The following NPAP1 variants were observed in gnomAD, a reference collection of about 807,000 sequenced individuals.
The protein encoded by NPAP1 is nuclear pore associated protein 1.
For synonymous variants in NPAP1, 616 were observed against 581.4 expected, an observed-to-expected ratio of 1.06 and a Z score of -0.86; for missense variants, 1,483 against 1,454.5, an observed-to-expected ratio of 1.02 and a Z score of -0.32.
Position 24,676,635 on chromosome 15 carries a change from T to A in NPAP1, c.768T>A (p.Asp256Glu). 1 of 1,613,902 alleles carries A rather than the reference T, an allele frequency of 6.2e-7. No homozygotes were observed. The highest frequency in any genetic ancestry group is 1.3e-5 in the African/African-American group (1 of 75,036). The stretch of plus-strand genomic sequence containing the variant: ...GTGCCCGGCATCTTGGAAAGCCTGA[T>A]CCGGATGCAACAGCGCCCCCTGAGC... ...AGCARHLGKP[D>E]PDATAPPEPA... is the part of the protein sequence containing the mutation. Residue 256 changes from aspartate (D) to glutamate (E), a missense_variant, in exon 1 of 1, where the codon GAT becomes GAA. Coordinates refer to ENST00000329468, the MANE Select transcript of NPAP1 (RefSeq NM_018958.3).
In NPAP1 at chr15:24,676,067, C is replaced by A. The variant is rs1302383270; in HGVS notation, c.200C>A (p.Ala67Asp). The A allele has an allele frequency of 1.9e-6, 3 of 1,576,882 alleles. No individual in the cohort carries two copies. Among genetic ancestry groups the A allele is most frequent in the Non-Finnish European group, 2.6e-6 (3 of 1,165,466 alleles). ...RRPSAASIFV[A>D]PKRPCPLPRA... ...CCTTCAGCAGCCAGCATCTTCGTCG[C>A]CCCTAAGAGGCCGTGTCCTCTCCCT... is the stretch of plus-strand genomic sequence containing the variant. The change falls in exon 1 of 1, where the codon GCC becomes GAC. Residue 67 changes from alanine to aspartate, a missense_variant. Coordinates refer to ENST00000329468, the MANE Select transcript of NPAP1 (RefSeq NM_018958.3).
Position 24,679,982 on chromosome 15 carries a change from G to GGTTTGTTT in NPAP1, c.*673_*680dup, listed in dbSNP as rs77362980. 7.2e-4 allele frequency: 138 copies of GGTTTGTTT among 190,466 alleles called. 3 individuals carry two copies. The South Asian group carries it at 9.9e-3, about 14-fold the overall frequency. 11.8% of individuals were successfully genotyped at this position (190,466 alleles called of 1,614,324 possible). A position where few individuals can be genotyped will look rare whatever the true frequency, so the allele number is the denominator to read the frequency against. ...GAGGAACCAGCATTGTTTTTGTTTT[G>GGTTTGTTT]GTTTGTTTGTTTGTTTGTTTGTTTG... On this transcript the variant is annotated 3_prime_UTR_variant, in exon 1 of 1. Transcript: ENST00000329468.
At position 24,678,235 on chromosome 15, in the gene NPAP1, C is replaced by A. The variant is rs2048990977; in HGVS notation, c.2368C>A (p.His790Asn). The change falls in exon 1 of 1, where the codon CAT becomes AAT. Residue 790 changes from histidine (H) to asparagine (N), a missense_variant. Coordinates refer to ENST00000329468, the MANE Select transcript of NPAP1 (RefSeq NM_018958.3). The part of the protein sequence containing the change: ...PQQKTSLPSA[H>N]DFLSLPIMVP... ...GCAGAAAACCTCTCTCCCCAGTGCC[C>A]ATGATTTCCTGAGCCTTCCTATCAT... 1 of 1,612,390 alleles carries A rather than the reference C, an allele frequency of 6.2e-7. No individual in the cohort carries two copies.
At position 24,676,864 on chromosome 15, in the gene NPAP1, C is replaced by A; in HGVS notation, c.997C>A (p.Pro333Thr). The A allele has an allele frequency of 1.2e-6, 2 of 1,613,348 alleles. No individual in the cohort carries two copies. The highest frequency in any genetic ancestry group is 1.7e-6 in the Non-Finnish European group (2 of 1,180,016). The change falls in exon 1 of 1, where the codon CCA becomes ACA. Residue 333 changes from proline (P) to threonine (T), a missense_variant. Coordinates refer to ENST00000329468, the MANE Select transcript of NPAP1 (RefSeq NM_018958.3). ...NRPCKRKMSI[P>T]LLLPLPPSLP... ...GCCCTGCAAAAGGAAAATGTCGATT[C>A]CATTGCTGCTGCCGCTGCCCCCTTC...
the NPAP1 span, chr15:24,676,019 TC>T: frequency 6.3e-7 from 1 of 1,598,890 alleles, no homozygotes; most frequent in Non-Finnish European, 8.5e-7. Context: ...CGCGGCCTGT[TC>T]CGCCGGAACG....
Position 24,676,902 on chromosome 15 carries a change from G to T in NPAP1, c.1035G>T (p.Leu345=). 6.2e-7 allele frequency: 1 copy of T among 1,613,710 alleles called. No homozygotes were observed. The highest frequency in any genetic ancestry group is 8.5e-7 in the Non-Finnish European group (1 of 1,180,038). Residue 345 remains leucine, a synonymous_variant, in exon 1 of 1, where the codon CTG becomes CTT. Coordinates refer to ENST00000329468, the MANE Select transcript of NPAP1 (RefSeq NM_018958.3). ...CGCTGCCCCCTTCACTGCCATTGCT[G>T]TGGGATCGAGGTGAGCTTCCCCCAC... is the stretch of plus-strand genomic sequence containing the variant. ...LLPLPPSLPL[L]WDRGELPPPA... is the part of the protein sequence containing the mutation.
Position 24,677,972 on chromosome 15 carries a change from C to G in NPAP1, c.2105C>G (p.Thr702Ser), listed in dbSNP as rs752619756. 2.5e-6 allele frequency: 4 copies of G among 1,613,826 alleles called. No individual in the cohort carries two copies. Among genetic ancestry groups the G allele is most frequent in the South Asian group, 2.2e-5 (2 of 91,062 alleles). The part of the protein sequence containing the change: ...KPPIETNAMH[T>S]TPPSKAVILQ... ...CCCATTGAAACCAATGCTATGCATA[C>G]CACTCCTCCTTCCAAGGCTGTCATC... Residue 702 changes from threonine (T) to serine (S), a missense_variant, in exon 1 of 1, where the codon ACC (threonine) becomes AGC (serine). Coordinates refer to ENST00000329468, the MANE Select transcript of NPAP1 (RefSeq NM_018958.3).
rs1236729743 is a variant in NPAP1, at chr15:24,682,711, C to T, written c.*3373C>T. On this transcript the variant is annotated 3_prime_UTR_variant, in exon 1 of 1. Coordinates refer to ENST00000329468, the MANE Select transcript of NPAP1 (RefSeq NM_018958.3). ...ATTGTTTTTCCTAAAACTTGAAGTGCCTTCCTTTTTTTCTCCTTGAACTCT... is the reference window on the plus strand; with the variant it reads ...ATTGTTTTTCCTAAAACTTGAAGTGTCTTCCTTTTTTTCTCCTTGAACTCT... 1.2e-5 allele frequency: 2 copies of T among 166,820 alleles called. No homozygotes were observed. Among genetic ancestry groups the T allele is most frequent in the African/African-American group, 4.8e-5 (2 of 41,378 alleles). 10.3% of individuals were successfully genotyped at this position (166,820 alleles called of 1,614,324 possible). A position where few individuals can be genotyped will look rare whatever the true frequency, so the allele number is the denominator to read the frequency against.
At position 24,677,503 on chromosome 15, in the gene NPAP1, A is replaced by G. The variant is rs1368451924; in HGVS notation, c.1636A>G (p.Lys546Glu). The G allele has an allele frequency of 6.2e-7, 1 of 1,614,098 alleles. No homozygotes were observed. The highest frequency in any genetic ancestry group is 1.3e-5 in the African/African-American group (1 of 75,002). ...CACCGGGACCTCAGTTATCACCAGC[A>G]AGCCTATGAATTCCACGTCAGTCAT... Reference protein sequence around the residue: ...PSTGTSVITSKPMNSTSVIST... With the variant: ...PSTGTSVITSEPMNSTSVIST... Residue 546 changes from lysine to glutamate, a missense_variant, in exon 1 of 1, where the codon AAG becomes GAG. Lys to Glu is a moderately conservative substitution (Grantham distance 56). Transcript: ENST00000329468.
At position 24,677,538 on chromosome 15, in the gene NPAP1, C is replaced by A; in HGVS notation, c.1671C>A (p.Val557=). ...PMNSTSVIST[V]TTNASAHLTS... ...ATTCCACGTCAGTCATTTCCACTGT[C>A]ACAACAAACGCATCTGCCCACCTAA... Residue 557 remains valine (V), a synonymous_variant, in exon 1 of 1, where the codon GTC becomes GTA. Transcript: ENST00000329468. The A allele has an allele frequency of 1.2e-6, 2 of 1,614,170 alleles. No individual in the cohort carries two copies. The highest frequency in any genetic ancestry group is 1.7e-6 in the Non-Finnish European group (2 of 1,180,030).
Position 24,676,621 on chromosome 15 carries a change from C to T in NPAP1, c.754C>T (p.Leu252Phe), listed in dbSNP as rs1296208064. Residue 252 changes from leucine to phenylalanine, a missense_variant, in exon 1 of 1, where the codon CTT becomes TTT. By Grantham distance (22) the Leu-to-Phe change is conservative. Transcript: ENST00000329468. ...CAGCCAGGCCGGATGTGCCCGGCAT[C>T]TTGGAAAGCCTGATCCGGATGCAAC... The part of the protein sequence containing the change: ...THSQAGCARH[L>F]GKPDPDATAP... 2 of 1,613,904 alleles carry T rather than the reference C, an allele frequency of 1.2e-6. No homozygotes were observed. Among genetic ancestry groups the T allele is most frequent in the African/African-American group, 2.7e-5 (2 of 75,064 alleles).
chr15:24,676,962 C>A lies in NPAP1; in HGVS notation c.1095C>A (p.Asp365Glu). 2 of 1,589,350 alleles carry A rather than the reference C, an allele frequency of 1.3e-6. No individual in the cohort carries two copies. The highest frequency in any genetic ancestry group is 1.7e-6 in the Non-Finnish European group (2 of 1,168,078). ...AKLPCLSVEG[D>E]LHTLEKSPEY... ...TCCCCTGCCTGTCTGTTGAGGGAGA[C>A]CTACACACCTTGGAGAAGAGCCCTG... is the stretch of plus-strand genomic sequence containing the variant. Residue 365 changes from aspartate (D) to glutamate (E), a missense_variant, in exon 1 of 1, where the codon GAC becomes GAA. By Grantham distance (45) the Asp-to-Glu change is conservative. Coordinates refer to ENST00000329468, the MANE Select transcript of NPAP1 (RefSeq NM_018958.3).
Position 24,677,474 on chromosome 15 carries a change from C to G in NPAP1, c.1607C>G (p.Pro536Arg), listed in dbSNP as rs1488778045. The G allele has an allele frequency of 6.2e-7, 1 of 1,614,052 alleles. No homozygotes were observed. Among genetic ancestry groups the G allele is most frequent in the Non-Finnish European group, 8.5e-7 (1 of 1,180,048 alleles). Residue 536 changes from proline to arginine, a missense_variant, in exon 1 of 1, where the codon CCT (proline) becomes CGT (arginine). By Grantham distance (103) the Pro-to-Arg change is moderately radical (BLOSUM62 -2). Coordinates refer to ENST00000329468, the MANE Select transcript of NPAP1 (RefSeq NM_018958.3). ...PLSFLTLLPV[P>R]STGTSVITSK... ...TCCTTCCTGACTCTTCTTCCAGTCC[C>G]TTCCACCGGGACCTCAGTTATCACC...
rs1205054056 is a variant in NPAP1 at position 24,676,689 on chromosome 15, G to A, written c.822G>A (p.Gln274=). 6.2e-7 allele frequency: 1 copy of A among 1,613,984 alleles called. No individual in the cohort carries two copies. The highest frequency in any genetic ancestry group is 1.3e-5 in the African/African-American group (1 of 74,932). ...CCGTTGGCTGCTCCCTGCTGCAGCA[G>A]AAGTTGGCTGCGGAAGTGCTGAATG... ...EPAVGCSLLQ[Q]KLAAEVLNEE... Residue 274 remains glutamine, a synonymous_variant, in exon 1 of 1, where the codon CAG becomes CAA. Transcript: ENST00000329468.
chr15:24,676,178 AC>A, the NPAP1 span: 15 of 1,568,884 alleles, frequency 9.6e-6, no homozygotes, highest in South Asian at 3.6e-5. Context: ...CCTGCTCGGA[AC>A]CCCCCGAGGT....
chr15:24,677,924 C>T lies in NPAP1; in HGVS notation c.2057C>T (p.Ser686Phe), dbSNP rs2141311438. Reference protein sequence around the residue: ...PDTSTLVNSASTASSSKPPIE... With the variant: ...PDTSTLVNSAFTASSSKPPIE... ...ACCTCCACTTTAGTGAACAGTGCCT[C>T]TACAGCATCATCATCCAAACCTCCC... The change falls in exon 1 of 1, where the codon TCT becomes TTT. Residue 686 changes from serine (S) to phenylalanine (F), a missense_variant. Transcript: ENST00000329468. 6.2e-7 allele frequency: 1 copy of T among 1,613,700 alleles called. No homozygotes were observed. The highest frequency in any genetic ancestry group is 8.5e-7 in the Non-Finnish European group (1 of 1,179,946).
chr15:24,679,211 G>A lies in NPAP1; in HGVS notation c.3344G>A (p.Cys1115Tyr), dbSNP rs2141314354. The change falls in exon 1 of 1, where the codon TGT becomes TAT. Residue 1115 changes from cysteine (C) to tyrosine (Y), a missense_variant. Cys to Tyr is a radical substitution (Grantham distance 194). Coordinates refer to ENST00000329468, the MANE Select transcript of NPAP1 (RefSeq NM_018958.3). The part of the protein sequence containing the change: ...DGTRSIVGGP[C>Y]VPAFQQCILQ... ...ACCAGATCCATAGTTGGAGGCCCTTGTGTTCCTGCTTTTCAACAGTGCATC... is the reference window on the plus strand; with the variant it reads ...ACCAGATCCATAGTTGGAGGCCCTTATGTTCCTGCTTTTCAACAGTGCATC... The A allele has an allele frequency of 6.2e-7, 1 of 1,614,204 alleles. No homozygotes were observed. Among genetic ancestry groups the A allele is most frequent in the Non-Finnish European group, 8.5e-7 (1 of 1,180,042 alleles).
At position 24,681,517 on chromosome 15, in the gene NPAP1, G is replaced by A. The variant is rs1360581800; in HGVS notation, c.*2179G>A. ...TTTGGGGAGGTGATTAGGTTTAGAT[G>A]AAGTCATGAAAATGAAACCCCCATG... On this transcript the variant is annotated 3_prime_UTR_variant, in exon 1 of 1. Transcript: ENST00000329468. 6.0e-6 allele frequency: 1 copy of A among 166,852 alleles called. No individual in the cohort carries two copies. Among genetic ancestry groups the A allele is most frequent in the African/African-American group, 2.4e-5 (1 of 41,422 alleles). The allele number at this position is 166,852 out of a possible 1,614,324, so 10.3% of individuals were successfully genotyped here.
chr15:24,678,003 G>T lies in NPAP1; in HGVS notation c.2136G>T (p.Gln712His), dbSNP rs746766511. Residue 712 changes from glutamine (Q) to histidine (H), a missense_variant, in exon 1 of 1, where the codon CAG becomes CAT. Gln to His is a conservative substitution (Grantham distance 24). Transcript: ENST00000329468. ...CTCCTTCCAAGGCTGTCATCTTGCAGTCTGCCTCTGTCTCCAAGAAGTACC... is the reference window on the plus strand; with the variant it reads ...CTCCTTCCAAGGCTGTCATCTTGCATTCTGCCTCTGTCTCCAAGAAGTACC... ...TTPPSKAVIL[Q>H]SASVSKKYLP... 1 of 1,613,944 alleles carries T rather than the reference G, an allele frequency of 6.2e-7. No homozygotes were observed. Among genetic ancestry groups the T allele is most frequent in the South Asian group, 1.1e-5 (1 of 91,084 alleles).
Sources: gnomAD v4.1 joint callset for allele counts on GRCh38, gnomAD v4.1.1 for gene constraint, MANE v1.5 for transcripts, NCBI Gene and HGNC (gene_info 2026-07-23, HGNC 2026-07-21) for gene names.